Variants in PTH2R observed in about 807,000 individuals in gnomAD.
The protein encoded by PTH2R is PTH2 receptor.
In PTH2R, 59 loss-of-function variants were observed where a neutral mutation model predicts 60.3. That is an observed-to-expected ratio of 0.98 (90% CI 0.79 to 1.22). PTH2R has a LOEUF of 1.22. Ranked by LOEUF, PTH2R falls within the 50% of genes most tolerant of loss-of-function variation. PTH2R has a pLI of 0.00. For synonymous variants in PTH2R, 256 were observed against 243.8 expected (o/e 1.05, Z -0.47); for missense variants, 749 against 682.6 (o/e 1.10, Z -1.08).
At chr2:208,436,759 G>A (rs1702082945) in intron 2 of PTH2R, among the ~76,000 whole-genome samples, 2 of 152,140 alleles carry the variant, frequency 1.3e-5, no homozygotes, top group South Asian at 4.1e-4. Flanking sequence ...AGTCTGGACT[G>A]TTCCAGGCAG....
intron 1 of PTH2R, among the ~76,000 whole-genome samples, chr2:208,424,907 A>T (rs1701826613): frequency 6.6e-6 from 1 of 152,212 alleles, no homozygotes; most frequent in South Asian, 2.1e-4. Flanking sequence ...AATACAAAGT[A>T]AAACCAACAG....
chr2:208,395,432 T>G (rs915151586), intron 1 of PTH2R, among the ~76,000 whole-genome samples: 2 of 152,110 alleles, frequency 1.3e-5, no homozygotes, highest in African/African-American at 4.8e-5. Flanking sequence ...CTATTTCCAC[T>G]AGGTGGTGGT....
chr2:208,441,373 C>T (rs1702180070), intron 4 of PTH2R, among the ~76,000 whole-genome samples: 1 of 152,160 alleles, frequency 6.6e-6, no homozygotes, highest in African/African-American at 2.4e-5. Context: ...GGTTCACCTT[C>T]CTGCAAGCCT....
At chr2:208,458,558 C>T (rs144759478) in intron 8 of PTH2R, among the ~76,000 whole-genome samples, 3,981 of 152,076 alleles carry the variant, frequency 0.026, 112 homozygotes, top group Non-Finnish European at 0.036. Flanking sequence ...GTATTAAGCC[C>T]AGTACCCAAT....
chr2:208,399,576 A>G (rs142854543), intron 1 of PTH2R, among the ~76,000 whole-genome samples: 1 of 152,242 alleles, frequency 6.6e-6, no homozygotes, highest in Non-Finnish European at 1.5e-5. Context: ...CTAGTTGGCA[A>G]CACTTTGCAC....
chr2:208,430,643 T>A (rs1234982091), intron 2 of PTH2R, among the ~76,000 whole-genome samples: 1 of 151,232 alleles, frequency 6.6e-6, no homozygotes, highest in Non-Finnish European at 1.5e-5. Context: ...GCCTCCCGGG[T>A]TCACACCATT....
intron 10 of PTH2R, among the ~76,000 whole-genome samples, chr2:208,485,544 C>G (rs2105909037): frequency 6.6e-6 from 1 of 152,294 alleles, no homozygotes; most frequent in Non-Finnish European, 1.5e-5. Context: ...AGTGAACAGC[C>G]AGACCCATGA....
At chr2:208,417,312 G>A (rs1451624329) in intron 1 of PTH2R, among the ~76,000 whole-genome samples, 2 of 152,028 alleles carry the variant, frequency 1.3e-5, no homozygotes, top group African/African-American at 4.8e-5. Context: ...GAGTAACTAG[G>A]CATGTGTATA....
chr2:208,378,313 G>A (rs1222731321), intron 1 of PTH2R, among the ~76,000 whole-genome samples: 1 of 151,490 alleles, frequency 6.6e-6, no homozygotes, highest in Non-Finnish European at 1.5e-5. Context: ...AGTGAGCCGC[G>A]ATGGCAGCAG....
intron 1 of PTH2R, among the ~76,000 whole-genome samples, chr2:208,380,233 A>C (rs1700886456): frequency 6.6e-6 from 1 of 152,144 alleles, no homozygotes; most frequent in African/African-American, 2.4e-5. Flanking sequence ...TTGAATAGGA[A>C]CTTGCTAAGG....
At chr2:208,384,981 C>A (rs905482864) in intron 1 of PTH2R, among the ~76,000 whole-genome samples, 3 of 152,160 alleles carry the variant, frequency 2.0e-5, no homozygotes, top group African/African-American at 7.2e-5. Context: ...ATAAAAAAGC[C>A]TAAGCAAAAA....
chr2:208,388,142 C>CCCG lies in PTH2R; in HGVS notation c.-259+27906_-259+27907insCGC, dbSNP rs1266436685. Reference sequence around the variant, plus strand: ...GGCTAACATGGTGAAACCCCCCCCCCCGTCTCTACTAAAAATACAAAAAAT... The same window carrying CCCG: ...GGCTAACATGGTGAAACCCCCCCCCCCCGCGTCTCTACTAAAAATACAAAAAAT... On this transcript the variant is annotated intron_variant, in intron 1 of 12. Coordinates refer to the PTH2R transcript ENST00000617735. 3.0e-4 allele frequency among the ~76,000 whole-genome samples: 44 copies of CCCG among 148,536 alleles called. 2 individuals are homozygous for CCCG. The South Asian group carries it at 9.1e-3, about 31-fold the overall frequency.
At chr2:208,443,246 C>A (rs1702222229) in intron 5 of PTH2R, 102 bp from the exon 6 acceptor site, 3 of 1,017,656 alleles carry the variant, frequency 2.9e-6, no homozygotes, top group Admixed American at 3.0e-5. Flanking sequence ...CCAGTCCCTG[C>A]TGGAGGGGAG....
intron 1 of PTH2R, among the ~76,000 whole-genome samples, chr2:208,419,499 T>A (rs1701707599): frequency 6.6e-6 from 1 of 152,242 alleles, no homozygotes; most frequent in Non-Finnish European, 1.5e-5. Flanking sequence ...TGGTGGTTTC[T>A]TTTGCTGTGC....
intron 1 of PTH2R, among the ~76,000 whole-genome samples, chr2:208,412,082 A>G (rs1701551077): frequency 6.6e-6 from 1 of 152,170 alleles, no homozygotes; most frequent in African/African-American, 2.4e-5. Context: ...TTTATTTCTT[A>G]CGGCTTCTTC....
chr2:208,385,559 C>G (rs999993340), intron 1 of PTH2R, among the ~76,000 whole-genome samples: 1 of 152,140 alleles, frequency 6.6e-6, no homozygotes, highest in African/African-American at 2.4e-5. Context: ...AAGGCTTGAC[C>G]TGGTTCAGAG....
chr2:208,434,540 A>G (rs1372954682), intron 2 of PTH2R, among the ~76,000 whole-genome samples: 1 of 152,196 alleles, frequency 6.6e-6, no homozygotes, highest in South Asian at 2.1e-4. Context: ...TTTCCATAGC[A>G]GTTTTAAAAC....
At chr2:208,460,032 G>A in intron 9 of PTH2R, 71 bp downstream of exon 9, 2 of 1,324,286 alleles carry the variant, frequency 1.5e-6, no homozygotes, top group South Asian at 2.4e-5. Context: ...CAGAGAAAGT[G>A]TGTCTGTCAC....
intron 1 of PTH2R, among the ~76,000 whole-genome samples, chr2:208,416,695 C>A (rs1701648189): frequency 6.6e-6 from 1 of 152,158 alleles, no homozygotes; most frequent in Non-Finnish European, 1.5e-5. Context: ...AGTCAGTGGG[C>A]TGGGAAAGGC....
Sources: allele counts gnomAD v4.1 joint callset (sites outside exome capture counted in the v4.1 genomes callset), GRCh38; gene constraint gnomAD v4.1.1; transcripts MANE v1.5; gene names NCBI Gene and HGNC (gene_info 2026-07-23, HGNC 2026-07-21).